The following EPHX2 variants were observed in gnomAD, a reference collection of about 807,000 sequenced individuals.
EPHX2 encodes the protein epoxide hydrolase 2, also known as bifunctional epoxide hydrolase 2.
A neutral mutation model predicts 78.7 loss-of-function variants in EPHX2; 74 were observed. The ratio of observed to expected loss-of-function variants is 0.94; its 90% CI spans 0.78 to 1.14. The LOEUF (loss-of-function observed/expected upper bound fraction) is 1.14, where lower values mean the gene tolerates loss of function less well. EPHX2 is among the 50% of genes most tolerant of loss of function. The probability of loss-of-function intolerance (pLI) is 0.00; values close to 1 mark genes in which losing one functional copy is unlikely to be tolerated. For missense variants in EPHX2, 715 were observed against 702.5 expected (o/e 1.02, Z -0.20); for synonymous variants, 251 against 255.2 (o/e 0.98, Z 0.16).
intron 9 of EPHX2, among the ~76,000 whole-genome samples, chr8:27,520,600 C>G (rs1274447721): frequency 6.6e-6 from 1 of 152,176 alleles, no homozygotes; most frequent in Non-Finnish European, 1.5e-5. Context: ...CCGCCTCGGC[C>G]TCCCAAAGTG....
intron 4 of EPHX2, 149 bp downstream of exon 4, chr8:27,505,295 C>A: frequency 1.3e-6 from 1 of 766,650 alleles, no homozygotes; most frequent in Non-Finnish European, 2.1e-6. Flanking sequence ...TCCTAGAAGA[C>A]TGTTACCCAT....
rs1331245521 is a variant in EPHX2, at chr8:27,503,633, G to A, written c.216G>A (p.Arg72=). The change falls in exon 3 of 19, where the codon AGG becomes AGA. Residue 72 remains arginine, a synonymous_variant. Coordinates refer to ENST00000521400, the MANE Select transcript of EPHX2 (RefSeq NM_001979.6). ...TACCACTCATGGAAGAAAACTGCAG[G>A]AAGTGCTCCGAGACCGCTAAAGTCT... is the stretch of plus-strand genomic sequence containing the variant. ...QWIPLMEENC[R]KCSETAKVCL... The A allele has an allele frequency of 1.2e-6, 2 of 1,613,012 alleles. No individual in the cohort carries two copies. The highest frequency in any genetic ancestry group is 1.7e-5 in the Admixed American group (1 of 59,866).
At chr8:27,521,199 GA>G (rs767913729) in intron 10 of EPHX2, among the ~76,000 whole-genome samples, 2 of 152,252 alleles carry the variant, frequency 1.3e-5, no homozygotes, top group Non-Finnish European at 2.9e-5. Context: ...GAGAAGTTTG[GA>G]AAATACCCCA....
At chr8:27,501,048 C>A in intron 2 of EPHX2, 38 bp downstream of exon 2, 1 of 1,569,270 alleles carries the variant, frequency 6.4e-7, no homozygotes. Context: ...TTTGGATGAA[C>A]GTTCTCTGCC....
intron 7 of EPHX2, 132 bp downstream of exon 7, chr8:27,515,945 T>A (rs1393413755): frequency 7.2e-6 from 6 of 829,202 alleles, no homozygotes; most frequent in African/African-American, 5.0e-5. Flanking sequence ...GTGACCAGGT[T>A]GGGGCAGGAG....
At position 27,544,187 on chromosome 8, in the gene EPHX2, T is replaced by G; in HGVS notation, c.1532T>G (p.Ile511Ser). The G allele has an allele frequency of 6.2e-7, 1 of 1,614,184 alleles. No homozygotes were observed. The change falls in exon 18 of 19, where the codon ATT becomes AGT. Residue 511 changes from isoleucine to serine, a missense_variant and splice_region_variant. Coordinates refer to ENST00000521400, the MANE Select transcript of EPHX2 (RefSeq NM_001979.6). ...PQMSQHMEDW[I>S]PHLKRGHIED... is the part of the protein sequence containing the mutation. ...TTTCTGCCTGGGGTTTCCTTTCAGA[T>G]TCCCCACCTGAAAAGGGGACACATT...
At chr8:27,525,753 C>T (rs1225482077) in intron 12 of EPHX2, among the ~76,000 whole-genome samples, 3 of 152,120 alleles carry the variant, frequency 2.0e-5, no homozygotes. Context: ...AGTTTTGGGG[C>T]TCAATGCTCA....
downstream of EPHX2, among the ~76,000 whole-genome samples, chr8:27,546,609 C>T (rs28635977): frequency 6.9e-3 from 1,050 of 152,262 alleles, 15 homozygotes; most frequent in African/African-American, 0.024. Context: ...AACCTAAAAG[C>T]GTCCTTTACT....
intron 9 of EPHX2, among the ~76,000 whole-genome samples, chr8:27,520,084 C>G (rs1229177655): frequency 6.6e-6 from 1 of 151,818 alleles, no homozygotes; most frequent in Non-Finnish European, 1.5e-5. Context: ...TCAAGGGATC[C>G]TCCTGCCTCA....
intron 9 of EPHX2, among the ~76,000 whole-genome samples, chr8:27,520,324 C>T (rs139896726): frequency 8.6e-4 from 130 of 151,704 alleles, no homozygotes; most frequent in Admixed American, 1.6e-3. Flanking sequence ...GGCCACCGTG[C>T]CCAGCTAATT....
rs1176654030 is a variant in EPHX2, at chr8:27,511,836, C to G, written c.661C>G (p.Leu221Val). 1 of 1,614,138 alleles carries G rather than the reference C, an allele frequency of 6.2e-7. No homozygotes were observed. Among genetic ancestry groups the G allele is most frequent in the Non-Finnish European group, 8.5e-7 (1 of 1,179,996 alleles). The change falls in exon 6 of 19, where the codon CTT (leucine) becomes GTT (valine). Residue 221 changes from leucine (L) to valine (V), a missense_variant and splice_region_variant. Transcript: ENST00000521400. The part of the protein sequence containing the change: ...KELEKVTGIQ[L>V]LNTPAPLPTS... ...CTCACTATACCTTTCCTGCTTACAG[C>G]TTCTCAATACCCCGGCCCCTCTGCC...
chr8:27,518,554 A>G (rs1335562505), intron 9 of EPHX2, among the ~76,000 whole-genome samples: 2 of 152,220 alleles, frequency 1.3e-5, no homozygotes, highest in African/African-American at 2.4e-5. Flanking sequence ...GGCCAAGGCC[A>G]AGGGGAGGAG....
At chr8:27,497,722 G>A (rs940202064) in intron 1 of EPHX2, among the ~76,000 whole-genome samples, 3 of 152,188 alleles carry the variant, frequency 2.0e-5, no homozygotes, top group South Asian at 2.1e-4. Context: ...TCCTGTAGCC[G>A]CTCAAGGAAG....
At chr8:27,506,686 G>A (rs1814017136) in intron 4 of EPHX2, among the ~76,000 whole-genome samples, 186 bp from the exon 5 acceptor site, 1 of 152,212 alleles carries the variant, frequency 6.6e-6, no homozygotes. Flanking sequence ...GCTGAAGCCA[G>A]TAGGTCTGTG....
intron 2 of EPHX2, among the ~76,000 whole-genome samples, chr8:27,502,744 CCT>C (rs1380795857): frequency 6.6e-6 from 1 of 152,190 alleles, no homozygotes; most frequent in African/African-American, 2.4e-5. Flanking sequence ...GTCCTCATCT[CCT>C]CTTCTTATTT....
chr8:27,536,062 C>T (rs1267765458), intron 12 of EPHX2, among the ~76,000 whole-genome samples: 1 of 152,090 alleles, frequency 6.6e-6, no homozygotes, highest in Non-Finnish European at 1.5e-5. Context: ...AACTGTGTGT[C>T]GACTGGGTAA....
chr8:27,528,504 T>C (rs1457050564), intron 12 of EPHX2, among the ~76,000 whole-genome samples: 2 of 152,176 alleles, frequency 1.3e-5, no homozygotes, highest in Non-Finnish European at 2.9e-5. Flanking sequence ...AGTTTCCTCA[T>C]CTGCAAAAGG....
chr8:27,529,925 T>C (rs1814976375), intron 12 of EPHX2, among the ~76,000 whole-genome samples: 1 of 151,902 alleles, frequency 6.6e-6, no homozygotes, highest in South Asian at 2.1e-4. Context: ...AAGAGCCCTT[T>C]TATTTAAGTA....
chr8:27,530,358 G>A (rs1814994553), intron 12 of EPHX2, among the ~76,000 whole-genome samples: 1 of 152,168 alleles, frequency 6.6e-6, no homozygotes, highest in South Asian at 2.1e-4. Context: ...GTAAAAAGCT[G>A]AATCGCCCTT....
Sources: gnomAD v4.1 joint callset for allele counts (sites outside exome capture counted in the v4.1 genomes callset) on GRCh38, gnomAD v4.1.1 for gene constraint, MANE v1.5 for transcripts, NCBI Gene and HGNC (gene_info 2026-07-23, HGNC 2026-07-21) for gene names.